LMTK3: variants seen among roughly 807,000 people sequenced by gnomAD.
The protein encoded by LMTK3 is serine/threonine-protein kinase LMTK3.
A neutral mutation model predicts 116.7 loss-of-function variants in LMTK3; 27 were observed. The ratio of observed to expected loss-of-function variants is 0.23; its 90% CI spans 0.17 to 0.32. The LOEUF is 0.32. LMTK3 is among the 10% of genes least tolerant of loss of function. The pLI, the probability that LMTK3 is intolerant of heterozygous loss-of-function variation, is 1.00. For missense variants in LMTK3, 1,764 were observed against 2,068.5 expected, an observed-to-expected ratio of 0.85 and a Z score of 2.86; for synonymous variants, 965 against 971.0, an observed-to-expected ratio of 0.99 and a Z score of 0.11.
intron 12 of LMTK3, among the ~76,000 whole-genome samples, chr19:48,493,492 A>G (rs1486263073): frequency 1.9e-5 from 1 of 53,852 alleles, no homozygotes; most frequent in African/African-American, 7.0e-5. Flanking sequence ...CCTTCAGGCC[A>G]CGCCCCACTC....
At chr19:48,495,532 G>C (rs962469492) in intron 11 of LMTK3, among the ~76,000 whole-genome samples, 12 of 152,272 alleles carry the variant, frequency 7.9e-5, no homozygotes, top group African/African-American at 1.9e-4. Context: ...ACATTTTCAT[G>C]CAGCCTGGGC....
At chr19:48,501,197 A>T in intron 9 of LMTK3, 52 bp from the exon 10 acceptor site, 1 of 1,604,920 alleles carries the variant, frequency 6.2e-7, no homozygotes, top group Non-Finnish European at 8.5e-7. Context: ...CCCGGGCCTC[A>T]TTTTCCCCAT....
rs551519965 is a variant in LMTK3 at position 48,495,382 on chromosome 19, G to A, written c.3677-1273C>T. On this transcript the variant is annotated intron_variant, in intron 11 of 14. Transcript: ENST00000600059. ...TGACAACCTTTAAAAATTAGGGAAG[G>A]CTTCCTGGAAAGGGGAAATTTGGGG... Among the ~76,000 whole-genome samples the A allele has an allele frequency of 9.2e-5, 14 of 152,242 alleles. No individual in the cohort carries two copies. In the South Asian group the frequency reaches 2.1e-3, roughly 23 times the overall value.
At chr19:48,504,184 T>C (rs1340245669) in intron 5 of LMTK3, among the ~76,000 whole-genome samples, 1 of 152,174 alleles carries the variant, frequency 6.6e-6, no homozygotes, top group African/African-American at 2.4e-5. Context: ...TACGGTTCTC[T>C]CTCTGCAGAA....
chr19:48,498,565 G>A lies in LMTK3; in HGVS notation c.2504C>T (p.Pro835Leu). Residue 835 changes from proline to leucine, a missense_variant, in exon 11 of 15, where the codon CCA becomes CTA. Around this residue, in one of 7 missense-constraint regions of LMTK3, gnomAD observed 1,028 missense variants for 1,050.6 expected, o/e 0.98. Coordinates refer to ENST00000600059, the MANE Select transcript of LMTK3 (RefSeq NM_001388485.1). ...PEPPDPGAPR[P>L]PPDPGPLPLP... ...TGGGAGCGGACCCGGGTCTGGAGGT[G>A]GCCGGGGCGCTCCTGGGTCGGGTGG... 1.3e-6 allele frequency: 2 copies of A among 1,558,164 alleles called. No individual in the cohort carries two copies. The highest frequency in any genetic ancestry group is 1.4e-5 in the African/African-American group (1 of 73,200).
chr19:48,511,505 G>T lies in LMTK3; in HGVS notation c.72C>A (p.His24Gln), dbSNP rs553011702. 1.5e-4 allele frequency: 204 copies of T among 1,389,888 alleles called. 2 individuals are homozygous for T. In the South Asian group the frequency reaches 2.9e-3, roughly 20 times the overall value. 86.1% of individuals were successfully genotyped at this position (1,389,888 alleles called of 1,614,324 possible). Residue 24 changes from histidine (H) to glutamine (Q), a missense_variant, in exon 1 of 15, where the codon CAC becomes CAA. Physicochemically the swap from His to Gln is conservative, Grantham distance 24 (BLOSUM62 0). This residue lies in a region of LMTK3 where 66 missense variants were observed against 61.1 expected (regional missense o/e 1.08). Coordinates refer to ENST00000600059, the MANE Select transcript of LMTK3 (RefSeq NM_001388485.1). ...CTGATGGCCCGACAGACTCACCGGG[G>T]TGGGCCGGGGACGCCAGGCAGCCGG... ...SASGCLASPA[H>Q]PDGFALGRAP...
chr19:48,497,517 C>T lies in LMTK3; in HGVS notation c.3552G>A (p.Arg1184=), dbSNP rs1260330775. 25 of 1,435,206 alleles carry T rather than the reference C, an allele frequency of 1.7e-5. No individual in the cohort carries two copies. In the East Asian group the frequency reaches 6.9e-4, roughly 40 times the overall value. The allele number at this position is 1,435,206 out of a possible 1,614,324, so 88.9% of individuals were successfully genotyped here. The change falls in exon 11 of 15, where the codon AGG becomes AGA. Residue 1184 remains arginine, a synonymous_variant. Coordinates refer to ENST00000600059, the MANE Select transcript of LMTK3 (RefSeq NM_001388485.1). The surrounding 1 kb of genome is among the most constrained non-coding windows in gnomAD (Gnocchi z 5.7). ...PEGEPGAPDS[R]AGGDTALSGD... Reference sequence around the variant, plus strand: ...CGCTGAGTGCCGTGTCTCCGCCGGCCCTGCTGTCTGGGGCCCCGGGCTCTC... The same window carrying T: ...CGCTGAGTGCCGTGTCTCCGCCGGCTCTGCTGTCTGGGGCCCCGGGCTCTC...
intron 14 of LMTK3, among the ~76,000 whole-genome samples, chr19:48,490,138 G>A (rs1440554823): frequency 6.6e-6 from 1 of 152,216 alleles, no homozygotes; most frequent in Middle Eastern, 3.2e-3. Context: ...GTTCACTACT[G>A]GAGAGGGCAC....
intron 14 of LMTK3, among the ~76,000 whole-genome samples, chr19:48,490,252 G>A (rs923796560): frequency 1.3e-5 from 2 of 152,100 alleles, no homozygotes; most frequent in African/African-American, 4.8e-5. Context: ...GGCCAGGCCC[G>A]GTGGCTCACG....
In LMTK3 at chr19:48,510,051, T is replaced by C. The variant is rs776015993; in HGVS notation, c.333A>G (p.Pro111=). Residue 111 remains proline, a synonymous_variant, in exon 3 of 15, where the codon CCA becomes CCG. Transcript: ENST00000600059. Reference sequence around the variant, plus strand: ...AGTGTGAAGGCTGCGGGGCAGGCATTGGCAGGGAGACCTCAGCCAGCGGGA... The same window carrying C: ...AGTGTGAAGGCTGCGGGGCAGGCATCGGCAGGGAGACCTCAGCCAGCGGGA... The part of the protein sequence containing the change: ...YILPLAEVSL[P]MPAPQPSHSD... The C allele has an allele frequency of 3.1e-6, 5 of 1,613,802 alleles. No individual in the cohort carries two copies. The Admixed American group carries it at 8.3e-5, about 27-fold the overall frequency.
chr19:48,486,528 T>TTTG (rs551451947), intron 14 of LMTK3, among the ~76,000 whole-genome samples: 31 of 150,970 alleles, frequency 2.1e-4, no homozygotes, highest in Non-Finnish European at 4.0e-4. Context: ...TGTCCTTGGT[T>TTTG]TTGTTGTTGT....
At chr19:48,485,852 G>A in intron 14 of LMTK3, 63 bp from the exon 15 acceptor site, 1 of 1,531,894 alleles carries the variant, frequency 6.5e-7, no homozygotes, top group East Asian at 2.3e-5. Flanking sequence ...ATGGCTTCTA[G>A]GTCACTCAGC....
intron 7 of LMTK3, among the ~76,000 whole-genome samples, 196 bp from the exon 8 acceptor site, chr19:48,501,758 C>G (rs908748920): frequency 6.6e-6 from 1 of 151,894 alleles, no homozygotes; most frequent in Admixed American, 6.6e-5. Flanking sequence ...ACCCCTGGTT[C>G]CTCCAAGTCT....
At chr19:48,489,677 A>G (rs1972188117) in intron 14 of LMTK3, among the ~76,000 whole-genome samples, 1 of 152,258 alleles carries the variant, frequency 6.6e-6, no homozygotes, top group African/African-American at 2.4e-5. Flanking sequence ...TAATTCCCTC[A>G]GCAATCTCAT....
In LMTK3 at chr19:48,499,011, C is replaced by G. The variant is rs8105308; in HGVS notation, c.2058G>C (p.Gly686=). ...GGCCTCCCCAGCCTGCTACGGCGTC[C>G]CCCCGCTCCAGTGGCAGGCAGGAGC... is the stretch of plus-strand genomic sequence containing the variant. The part of the protein sequence containing the change: ...GACSCLPLER[G]DAVAGWGGHP... The change falls in exon 11 of 15, where the codon GGG becomes GGC. Residue 686 remains glycine (G), a synonymous_variant. Coordinates refer to ENST00000600059, the MANE Select transcript of LMTK3 (RefSeq NM_001388485.1). The G allele has an allele frequency of 1.1e-3, 1,641 of 1,433,114 alleles. 16 individuals carry two copies. The African/African-American group carries it at 0.022, about 19-fold the overall frequency. 88.8% of individuals were successfully genotyped at this position (1,433,114 alleles called of 1,614,324 possible). A position where few individuals can be genotyped will look rare whatever the true frequency, so the allele number is the denominator to read the frequency against.
rs967891929 is a variant in LMTK3 at position 48,495,944 on chromosome 19, T to G, written c.3676+1449A>C. On this transcript the variant is annotated intron_variant, in intron 11 of 14. Coordinates refer to ENST00000600059, the MANE Select transcript of LMTK3 (RefSeq NM_001388485.1). ...ATTTTCAGAAAGGCATATCTGTGCC[T>G]TCCAGCTCACTAGTCCTATGGTGGT... 1.7e-4 allele frequency among the ~76,000 whole-genome samples: 26 copies of G among 152,264 alleles called. 1 individual carries two copies. Among genetic ancestry groups the G allele is most frequent in the Admixed American group, 1.1e-3 (17 of 15,286 alleles).
At position 48,493,857 on chromosome 19, in the gene LMTK3, G is replaced by A. The variant is rs960816411; in HGVS notation, c.3929C>T (p.Pro1310Leu). The A allele has an allele frequency of 7.2e-6, 9 of 1,241,652 alleles. No homozygotes were observed. Among genetic ancestry groups the A allele is most frequent in the East Asian group, 3.3e-5 (1 of 30,604 alleles). The allele number at this position is 1,241,652 out of a possible 1,614,324, so 76.9% of individuals were successfully genotyped here. A position where few individuals can be genotyped will look rare whatever the true frequency, so the allele number is the denominator to read the frequency against. ...GGCGCTGCTCACCACGACGGGCACC[G>A]GGGCTGCTCGCGCCCTCCCGGGGCC... is the stretch of plus-strand genomic sequence containing the variant. Reference protein sequence around the residue: ...PRGPGRARAAPVPVVVSSADA... With the variant: ...PRGPGRARAALVPVVVSSADA... The change falls in exon 12 of 15, where the codon CCG becomes CTG. Residue 1310 changes from proline (P) to leucine (L), a missense_variant. Pro to Leu is a moderately conservative substitution (Grantham distance 98). Coordinates refer to ENST00000600059, the MANE Select transcript of LMTK3 (RefSeq NM_001388485.1).
At chr19:48,511,844 G>A (rs1432019209), upstream of LMTK3, 1 of 133,210 alleles carries the variant, frequency 7.5e-6, no homozygotes, top group Admixed American at 7.4e-5. Flanking sequence ...GTGGGGGGGA[G>A]AGGGTAGGAT....
rs781066186 is a variant in LMTK3, at chr19:48,498,259, G to T, written c.2810C>A (p.Pro937Gln). The change falls in exon 11 of 15, where the codon CCA becomes CAA. Residue 937 changes from proline (P) to glutamine (Q), a missense_variant. This residue lies in a region of LMTK3 where 1,028 missense variants were observed against 1,050.6 expected (regional missense o/e 0.98). Transcript: ENST00000600059. ...CTCCGCCGCCTTCTCCTCGATGCCT[G>T]GGGCTCTCTGGTCCCCGTTCTCCAG... is the stretch of plus-strand genomic sequence containing the variant. ...TVLENGDQRA[P>Q]GIEEKAAENG... 7.4e-6 allele frequency: 12 copies of T among 1,613,332 alleles called. No individual in the cohort carries two copies. The East Asian group carries it at 2.7e-4, about 36-fold the overall frequency.
Sources: allele counts gnomAD v4.1 joint callset (sites outside exome capture counted in the v4.1 genomes callset), GRCh38; gene constraint gnomAD v4.1.1; regional missense constraint gnomAD v4.1.1; non-coding constraint Gnocchi (gnomAD v3.1); transcripts MANE v1.5; gene names NCBI Gene and HGNC (gene_info 2026-07-23, HGNC 2026-07-21).